The following NRG3 variants were observed in gnomAD, a reference collection of about 807,000 sequenced individuals.
NRG3 encodes the protein neuregulin 3, also known as pro-neuregulin-3, membrane-bound isoform.
A neutral mutation model predicts 66.9 loss-of-function variants in NRG3; 31 were observed. The ratio of observed to expected loss-of-function variants is 0.46; its 90% CI spans 0.35 to 0.63. NRG3 has a LOEUF of 0.63. Among genes scored for constraint, NRG3 ranks in the 20% least tolerant of loss-of-function variants. The pLI is 0.00. For synonymous variants in NRG3, 393 were observed against 359.4 expected (o/e 1.09, Z -1.06); for missense variants, 910 against 878.9 (o/e 1.04, Z -0.45).
At chr10:81,932,359 C>T (rs1286129676) in intron 1 of NRG3, among the ~76,000 whole-genome samples, 2 of 152,172 alleles carry the variant, frequency 1.3e-5, no homozygotes, top group Non-Finnish European at 1.5e-5. Context: ...ATGATCCACA[C>T]ACCTCCACCA....
At chr10:82,493,098 G>C (rs1843298835) in intron 2 of NRG3, among the ~76,000 whole-genome samples, 1 of 151,830 alleles carries the variant, frequency 6.6e-6, no homozygotes, top group Admixed American at 6.6e-5. Context: ...AACACTTGAT[G>C]TTCAGGTTTG....
chr10:82,805,406 T>G (rs758919518), intron 3 of NRG3, among the ~76,000 whole-genome samples: 8 of 152,232 alleles, frequency 5.3e-5, no homozygotes, highest in Non-Finnish European at 1.2e-4. Context: ...AATAATTCCC[T>G]TTAATCTTGT....
At chr10:82,745,154 G>A (rs1432332372) in intron 3 of NRG3, among the ~76,000 whole-genome samples, 1 of 152,166 alleles carries the variant, frequency 6.6e-6, no homozygotes, top group Non-Finnish European at 1.5e-5. Flanking sequence ...TCTGGTGTTA[G>A]GAAAGGATTT....
At chr10:82,716,421 T>G (rs1417950928) in intron 2 of NRG3, among the ~76,000 whole-genome samples, 1 of 152,124 alleles carries the variant, frequency 6.6e-6, no homozygotes, top group East Asian at 1.9e-4. Flanking sequence ...TTAAGGCAGG[T>G]GGGAACCTTA....
At chr10:82,265,306 A>G (rs1221614878) in intron 1 of NRG3, among the ~76,000 whole-genome samples, 1 of 152,194 alleles carries the variant, frequency 6.6e-6, no homozygotes, top group East Asian at 1.9e-4. Flanking sequence ...ATGGAAGGAC[A>G]GAAGTGTGGG....
At chr10:82,275,172 T>A (rs2078781431) in intron 1 of NRG3, among the ~76,000 whole-genome samples, 1 of 152,088 alleles carries the variant, frequency 6.6e-6, no homozygotes, top group Non-Finnish European at 1.5e-5. Flanking sequence ...AAAGTATACT[T>A]GTACATCTAT....
chr10:82,775,962 T>A (rs1054516535), intron 3 of NRG3, among the ~76,000 whole-genome samples: 2 of 152,282 alleles, frequency 1.3e-5, no homozygotes, highest in Middle Eastern at 3.4e-3. Context: ...ACTTGAAATA[T>A]TTACACATTG....
chr10:82,758,098 C>G (rs1017305454), intron 3 of NRG3, among the ~76,000 whole-genome samples: 3 of 152,042 alleles, frequency 2.0e-5, no homozygotes, highest in Admixed American at 2.0e-4. Context: ...CTTTGATTTA[C>G]TACAGTTGAG....
In NRG3 at chr10:82,626,800, C is replaced by T. The variant is rs570510313; in HGVS notation, c.954-111777C>T. 1.1e-4 allele frequency among the ~76,000 whole-genome samples: 17 copies of T among 152,118 alleles called. 1 individual carries two copies. Among genetic ancestry groups the T allele is most frequent in the African/African-American group, 4.1e-4 (17 of 41,530 alleles). ...GTCAAGAGCAGAGGCCCGTACAAAC[C>T]AATTTCTTGGTACCTCTCTTCTTCC... On this transcript the variant is annotated intron_variant, in intron 2 of 8. Transcript: ENST00000372141.
chr10:82,261,870 T>TCAC, intron 1 of NRG3, among the ~76,000 whole-genome samples: 1 of 152,312 alleles, frequency 6.6e-6, no homozygotes, highest in Non-Finnish European at 1.5e-5. Flanking sequence ...GTGGGCATCA[T>TCAC]GGCCATCACG....
intron 2 of NRG3, among the ~76,000 whole-genome samples, chr10:82,406,260 C>T (rs1291048260): frequency 1.2e-4 from 18 of 152,070 alleles, no homozygotes; most frequent in South Asian, 2.1e-4. Context: ...TTCCATTGTT[C>T]GTGGGACATA....
At chr10:82,401,423 T>C (rs1286595287) in intron 2 of NRG3, among the ~76,000 whole-genome samples, 1 of 152,096 alleles carries the variant, frequency 6.6e-6, no homozygotes, top group Non-Finnish European at 1.5e-5. Context: ...TATATTTTGA[T>C]ATCTATCTTT....
At chr10:82,103,789 G>C (rs762266005) in intron 1 of NRG3, among the ~76,000 whole-genome samples, 1 of 151,916 alleles carries the variant, frequency 6.6e-6, no homozygotes, top group Non-Finnish European at 1.5e-5. Context: ...TGGCTTTTAC[G>C]TGCCTGGGCT....
intron 3 of NRG3, among the ~76,000 whole-genome samples, chr10:82,848,527 A>G (rs1032786297): frequency 6.6e-6 from 1 of 152,202 alleles, no homozygotes; most frequent in African/African-American, 2.4e-5. Context: ...CTTGTCTCAC[A>G]TCGGACTTTG....
chr10:82,195,481 T>C (rs1165809485), intron 1 of NRG3, among the ~76,000 whole-genome samples: 2 of 152,158 alleles, frequency 1.3e-5, no homozygotes, highest in Non-Finnish European at 2.9e-5. Context: ...AACTTTGTTG[T>C]GGTGTCTGAT....
chr10:82,148,996 T>C (rs1226287833), intron 1 of NRG3, among the ~76,000 whole-genome samples: 1 of 152,030 alleles, frequency 6.6e-6, no homozygotes, highest in Non-Finnish European at 1.5e-5. Context: ...AGAGACTGTC[T>C]ACCCGGAATC....
Position 82,959,084 on chromosome 10 carries a change from C to T in NRG3, c.1284+9C>T. The T allele has an allele frequency of 6.3e-7, 1 of 1,588,302 alleles. No individual in the cohort carries two copies. The highest frequency in any genetic ancestry group is 1.4e-5 in the African/African-American group (1 of 73,846). The stretch of plus-strand genomic sequence containing the variant: ...ATGTCCAGCTGCAAAATGTAAGTGA[C>T]ATGTCTACACACCTCCTCCTATAGC... On this transcript the variant is annotated intron_variant, in intron 6 of 8. Coordinates refer to ENST00000372141, the MANE Select transcript of NRG3 (RefSeq NM_001010848.4).
At chr10:82,418,338 G>A (rs2088742703) in intron 2 of NRG3, among the ~76,000 whole-genome samples, 1 of 152,298 alleles carries the variant, frequency 6.6e-6, no homozygotes, top group East Asian at 1.9e-4. Context: ...CAGTGTAAAT[G>A]TGGAAAAGTT....
intron 8 of NRG3, among the ~76,000 whole-genome samples, chr10:82,980,526 C>T (rs1233556881): frequency 6.6e-6 from 1 of 152,132 alleles, no homozygotes; most frequent in Non-Finnish European, 1.5e-5. Flanking sequence ...TTTTTCCAGA[C>T]TGTCTCTATC....
Sources: gnomAD v4.1 joint callset for allele counts (sites outside exome capture counted in the v4.1 genomes callset) on GRCh38, gnomAD v4.1.1 for gene constraint, MANE v1.5 for transcripts, NCBI Gene and HGNC (gene_info 2026-07-23, HGNC 2026-07-21) for gene names.